The following WDFY3 variants were observed in gnomAD, a reference collection of about 807,000 sequenced individuals.
WDFY3 encodes the protein WD repeat and FYVE domain-containing protein 3.
Under a neutral mutation model 409.6 loss-of-function variants are expected in WDFY3, and 66 were observed. The ratio of observed to expected loss-of-function variants is 0.16; its 90% confidence interval spans 0.13 to 0.20. WDFY3 has a LOEUF of 0.20. Among genes scored for constraint, WDFY3 ranks in the 10% least tolerant of loss-of-function variants. The pLI is 1.00. For missense variants in WDFY3, 3,031 were observed against 4,298.1 expected, an observed-to-expected ratio of 0.71 and a Z score of 8.24; for synonymous variants, 1,521 against 1,537.1, an observed-to-expected ratio of 0.99 and a Z score of 0.25.
chr4:84,774,672 T>C (rs1465905900), intron 29 of WDFY3, 148 bp downstream of exon 29: 2 of 857,456 alleles, frequency 2.3e-6, no homozygotes, highest in Non-Finnish European at 3.4e-6. Context: ...TCATTCATGT[T>C]TTCCATGCGT....
At chr4:84,909,890 A>AT (rs1469988416) in intron 2 of WDFY3, among the ~76,000 whole-genome samples, 1 of 152,054 alleles carries the variant, frequency 6.6e-6, no homozygotes, top group East Asian at 1.9e-4. Context: ...TTGCTTTAAC[A>AT]TTTTTTCCTA....
At chr4:84,679,721 A>G (rs1295603547) in intron 64 of WDFY3, among the ~76,000 whole-genome samples, 3 of 151,880 alleles carry the variant, frequency 2.0e-5, no homozygotes, top group Non-Finnish European at 4.4e-5. Flanking sequence ...CAATTCCTTC[A>G]GCTCAAAGTA....
At chr4:84,786,277 T>TCTTA (rs1250927726) in intron 23 of WDFY3, 138 bp from the exon 24 acceptor site, 1 of 755,408 alleles carries the variant, frequency 1.3e-6, no homozygotes, top group Admixed American at 3.5e-5. Context: ...TTAAAAACTA[T>TCTTA]CTTCTCAGCT....
Position 84,860,403 on chromosome 4 carries a change from T to A in WDFY3, c.180+9A>T. ...CCCGGAAGGTGTGTGTCTGGCAACCTGGACTTACCCTGTTAAACACTGGCA... is the reference window on the plus strand; with the variant it reads ...CCCGGAAGGTGTGTGTCTGGCAACCAGGACTTACCCTGTTAAACACTGGCA... On this transcript the variant is annotated intron_variant, in intron 4 of 67. Coordinates refer to ENST00000295888, the MANE Select transcript of WDFY3 (RefSeq NM_014991.6). The A allele has an allele frequency of 6.2e-7, 1 of 1,605,774 alleles. No homozygotes were observed. Among genetic ancestry groups the A allele is most frequent in the South Asian group, 1.1e-5 (1 of 90,560 alleles).
At chr4:84,740,131 G>A in intron 39 of WDFY3, 56 bp downstream of exon 39, 2 of 1,531,800 alleles carry the variant, frequency 1.3e-6, no homozygotes, top group Non-Finnish European at 1.8e-6. Context: ...AAAGAATTTT[G>A]TTGGAATAAC....
intron 1 of WDFY3, 65 bp downstream of exon 1, chr4:84,966,144 C>G (rs952548941): frequency 3.3e-5 from 5 of 151,708 alleles, no homozygotes; most frequent in Admixed American, 3.3e-4. Context: ...GCCAGGCGCG[C>G]CGGGCCGAGG....
At chr4:84,754,474 G>A (rs1358159347) in intron 34 of WDFY3, among the ~76,000 whole-genome samples, 1 of 152,134 alleles carries the variant, frequency 6.6e-6, no homozygotes, top group African/African-American at 2.4e-5. Flanking sequence ...ACATTTAATG[G>A]TAATGTTCTG....
chr4:84,713,378 A>G, intron 50 of WDFY3, 139 bp from the exon 51 acceptor site: 1 of 678,030 alleles, frequency 1.5e-6, no homozygotes, highest in Admixed American at 2.7e-5. Context: ...AGGCAAAAGG[A>G]ATATATAAAT....
chr4:84,927,405 A>G (rs1297669863), intron 2 of WDFY3, among the ~76,000 whole-genome samples: 1 of 152,106 alleles, frequency 6.6e-6, no homozygotes, highest in Non-Finnish European at 1.5e-5. Context: ...CAGAAACACA[A>G]CTATACAGCC....
chr4:84,739,994 T>G (rs1738117989), intron 39 of WDFY3, among the ~76,000 whole-genome samples, 193 bp downstream of exon 39: 1 of 151,788 alleles, frequency 6.6e-6, no homozygotes, highest in Non-Finnish European at 1.5e-5. Context: ...TGTAGAAAAC[T>G]AAGTTAAAGG....
chr4:84,860,900 T>G (rs1760517247), intron 3 of WDFY3, among the ~76,000 whole-genome samples: 1 of 152,168 alleles, frequency 6.6e-6, no homozygotes, highest in Non-Finnish European at 1.5e-5. Context: ...TTCCAATTAG[T>G]TTAGTCATAT....
Position 84,824,958 on chromosome 4 carries a change from T to C in WDFY3, c.1123+1857A>G, listed in dbSNP as rs535240641. On this transcript the variant is annotated intron_variant, in intron 10 of 67. Coordinates refer to ENST00000295888, the MANE Select transcript of WDFY3 (RefSeq NM_014991.6). Reference sequence around the variant, plus strand: ...CCAATTTTTCTGAAGAAGAAACTGATGTTTAGAAAAGTTAGGTCACTTATG... The same window carrying C: ...CCAATTTTTCTGAAGAAGAAACTGACGTTTAGAAAAGTTAGGTCACTTATG... Among the ~76,000 whole-genome samples the C allele has an allele frequency of 5.3e-5, 8 of 152,254 alleles. No individual in the cohort carries two copies. The East Asian group carries it at 7.7e-4, about 15-fold the overall frequency.
Position 84,724,536 on chromosome 4 carries a change from A to G in WDFY3, c.7331T>C (p.Leu2444Pro). 2 of 1,614,178 alleles carry G rather than the reference A, an allele frequency of 1.2e-6. No homozygotes were observed. The highest frequency in any genetic ancestry group is 1.7e-6 in the Non-Finnish European group (2 of 1,180,008). Residue 2444 changes from leucine to proline, a missense_variant, in exon 46 of 68, where the codon CTG (leucine) becomes CCG (proline). Transcript: ENST00000295888. Reference sequence around the variant, plus strand: ...GACAATGGCGGGATTGCCAGAGGCCAGTCGCATGTAGTACTCTTTACTGTC... The same window carrying G: ...GACAATGGCGGGATTGCCAGAGGCCGGTCGCATGTAGTACTCTTTACTGTC... ...SYDSKEYYMR[L>P]ASGNPAIVQD... is the part of the protein sequence containing the mutation.
At chr4:84,851,132 G>A (rs1330883457) in intron 4 of WDFY3, among the ~76,000 whole-genome samples, 1 of 150,844 alleles carries the variant, frequency 6.6e-6, no homozygotes, top group African/African-American at 2.4e-5. Context: ...GTTCAGCAAA[G>A]AGAATTTGAG....
chr4:84,887,025 CT>C (rs1764330058), intron 3 of WDFY3, among the ~76,000 whole-genome samples: 1 of 152,058 alleles, frequency 6.6e-6, no homozygotes, highest in Non-Finnish European at 1.5e-5. Context: ...AACCATTATG[CT>C]GAGTAGGTGC....
Position 84,705,514 on chromosome 4 carries a change from A to G in WDFY3, c.8218-3T>C, listed in dbSNP as rs778959334. The G allele has an allele frequency of 1.9e-6, 3 of 1,609,388 alleles. No homozygotes were observed. The highest frequency in any genetic ancestry group is 1.7e-6 in the Non-Finnish European group (2 of 1,175,926). ...TTGGGATTAGTAAGATCCACCTCCT[A>G]AAATACAAAATGTAACTCAATTCCA... is the stretch of plus-strand genomic sequence containing the variant. On this transcript the variant is annotated splice_polypyrimidine_tract_variant and splice_region_variant and intron_variant, in intron 53 of 67. Transcript: ENST00000295888.
intron 8 of WDFY3, among the ~76,000 whole-genome samples, chr4:84,829,775 G>A (rs1456587483): frequency 2.0e-5 from 3 of 150,630 alleles, no homozygotes; most frequent in East Asian, 3.9e-4. Context: ...CCACTGCACT[G>A]CACTACAACC....
Position 84,766,401 on chromosome 4 carries a change from C to T in WDFY3, c.4850-29G>A, listed in dbSNP as rs748747885. The T allele has an allele frequency of 3.9e-6, 6 of 1,553,038 alleles. No individual in the cohort carries two copies. The Admixed American group carries it at 1.4e-4, about 36-fold the overall frequency. ...AAATAAAAATAAATACATTAAATCT[C>T]CCTAGTAGATAAGCTAAAAGAAAAT... On this transcript the variant is annotated intron_variant, in intron 30 of 67. Transcript: ENST00000295888.
chr4:84,774,023 C>G (rs866739939), intron 29 of WDFY3, among the ~76,000 whole-genome samples: 1 of 152,114 alleles, frequency 6.6e-6, no homozygotes, highest in African/African-American at 2.4e-5. Context: ...CCCGGCCCCC[C>G]AGGTTTAAAA....
Sources: allele counts gnomAD v4.1 joint callset (sites outside exome capture counted in the v4.1 genomes callset), GRCh38; gene constraint gnomAD v4.1.1; transcripts MANE v1.5; gene names NCBI Gene and HGNC (gene_info 2026-07-23, HGNC 2026-07-21).